RPTOR: variants seen among roughly 807,000 people sequenced by gnomAD.
RPTOR encodes the protein regulatory associated protein of MTOR complex 1, also known as regulatory-associated protein of mTOR.
Under a neutral mutation model 169.9 loss-of-function variants are expected in RPTOR, and 21 were observed. The ratio of observed to expected loss-of-function variants is 0.12; its 90% confidence interval spans 0.09 to 0.18. RPTOR has a LOEUF of 0.18. RPTOR is among the 10% of genes least tolerant of loss of function. RPTOR has a pLI of 1.00. For missense variants in RPTOR, 1,133 were observed against 1,855.9 expected, an observed-to-expected ratio of 0.61 and a Z score of 7.16; for synonymous variants, 732 against 753.2, an observed-to-expected ratio of 0.97 and a Z score of 0.46.
At chr17:80,625,265 A>G (rs1316450752) in intron 1 of RPTOR, among the ~76,000 whole-genome samples, 4 of 152,250 alleles carry the variant, frequency 2.6e-5, no homozygotes, top group African/African-American at 9.6e-5. Context: ...AGCTTTTCTC[A>G]TTAAATGATT....
At chr17:80,658,904 C>T (rs1351592677) in intron 3 of RPTOR, among the ~76,000 whole-genome samples, 1 of 152,196 alleles carries the variant, frequency 6.6e-6, no homozygotes, top group African/African-American at 2.4e-5. Context: ...TTCTTGTACA[C>T]ATCAGCTTTC....
At chr17:80,591,518 A>T (rs1442239426) in intron 1 of RPTOR, among the ~76,000 whole-genome samples, 3 of 151,146 alleles carry the variant, frequency 2.0e-5, no homozygotes, top group African/African-American at 7.3e-5. Context: ...AGCTGGGACT[A>T]CAGGCGCACA....
chr17:80,616,796 T>A (rs1342798438), intron 1 of RPTOR, among the ~76,000 whole-genome samples: 1 of 152,106 alleles, frequency 6.6e-6, no homozygotes, highest in Non-Finnish European at 1.5e-5. Context: ...TTGCTATACT[T>A]ACTTTACGAA....
intron 5 of RPTOR, among the ~76,000 whole-genome samples, chr17:80,742,486 C>T (rs911787466): frequency 1.3e-5 from 2 of 151,978 alleles, no homozygotes; most frequent in Non-Finnish European, 2.9e-5. Context: ...CATGCACATA[C>T]AGACATGTAC....
At position 80,651,789 on chromosome 17, in the gene RPTOR, G is replaced by A. The variant is rs768747845; in HGVS notation, c.348+7979G>A. Among the ~76,000 whole-genome samples, 42 of 152,036 alleles carry A rather than the reference G, an allele frequency of 2.8e-4. No individual in the cohort carries two copies. The highest frequency in any genetic ancestry group is 1.6e-3 in the Admixed American group (24 of 15,270). The stretch of plus-strand genomic sequence containing the variant: ...TCCCAGCACTTTGGGAGGCCGAGGC[G>A]GGTGGATCGTGAGGTCAGGAGATCG... On this transcript the variant is annotated intron_variant, in intron 3 of 33. Coordinates refer to ENST00000306801, the MANE Select transcript of RPTOR (RefSeq NM_020761.3). The surrounding 1 kb of genome is among the most constrained non-coding windows in gnomAD (Gnocchi z 4.1).
At position 80,964,534 on chromosome 17, in the gene RPTOR, C is replaced by T; in HGVS notation, c.*204C>T. On this transcript the variant is annotated 3_prime_UTR_variant, in exon 34 of 34. Transcript: ENST00000306801. The stretch of plus-strand genomic sequence containing the variant: ...TCTGGAATGTCAGGGAAGGGGAGGG[C>T]TCGGGTTGACGGTGGCTTCCCACTG... 3 of 604,304 alleles carry T rather than the reference C, an allele frequency of 5.0e-6. No individual in the cohort carries two copies. Among genetic ancestry groups the T allele is most frequent in the South Asian group, 4.0e-5 (2 of 50,544 alleles). 37.4% of individuals were successfully genotyped at this position (604,304 alleles called of 1,614,324 possible).
chr17:80,846,612 C>T (rs1437477289), intron 11 of RPTOR, 38 bp downstream of exon 11: 2 of 1,584,656 alleles, frequency 1.3e-6, no homozygotes, highest in African/African-American at 1.3e-5. Flanking sequence ...GCCGAGGTTC[C>T]TCAGGAAGGA....
intron 4 of RPTOR, among the ~76,000 whole-genome samples, chr17:80,709,894 G>A (rs749117292): frequency 2.0e-5 from 3 of 151,858 alleles, no homozygotes; most frequent in Non-Finnish European, 4.4e-5. Context: ...AGACAGTAAT[G>A]ATTTTTATGA....
At chr17:80,683,368 T>A (rs1598218163) in intron 3 of RPTOR, among the ~76,000 whole-genome samples, 1 of 152,180 alleles carries the variant, frequency 6.6e-6, no homozygotes, top group African/African-American at 2.4e-5. Flanking sequence ...CTTCCTCAGG[T>A]GCTGTCGGAG....
intron 17 of RPTOR, among the ~76,000 whole-genome samples, chr17:80,885,629 C>G (rs576241354): frequency 6.6e-6 from 1 of 152,190 alleles, no homozygotes; most frequent in Non-Finnish European, 1.5e-5. Flanking sequence ...CTGCAAGCTC[C>G]GCCTCCCGGG....
intron 5 of RPTOR, among the ~76,000 whole-genome samples, chr17:80,743,053 G>A (rs944402634): frequency 3.9e-5 from 6 of 152,156 alleles, no homozygotes; most frequent in East Asian, 1.9e-4. Flanking sequence ...GAGTACACGT[G>A]TCTGGATCCA....
intron 2 of RPTOR, 126 bp from the exon 3 acceptor site, chr17:80,643,602 C>T (rs545246064): frequency 6.1e-5 from 40 of 651,894 alleles, no homozygotes; most frequent in African/African-American, 4.9e-4. Context: ...CAACCTTAGG[C>T]GTTGTGTTAC....
chr17:80,935,655 G>A (rs2068946654), intron 24 of RPTOR, among the ~76,000 whole-genome samples: 2 of 151,966 alleles, frequency 1.3e-5, no homozygotes. Context: ...ACAACCAGTT[G>A]TCAAAAAAAA....
chr17:80,939,039 A>G (rs556474789), intron 24 of RPTOR, among the ~76,000 whole-genome samples: 9 of 152,330 alleles, frequency 5.9e-5, no homozygotes, highest in African/African-American at 1.7e-4. Context: ...GCGACTTTTT[A>G]ATAACTAATG....
chr17:80,690,336 C>T (rs200754235), intron 3 of RPTOR, among the ~76,000 whole-genome samples: 2 of 109,776 alleles, frequency 1.8e-5, no homozygotes, highest in Admixed American at 8.6e-5. Context: ...AACACACACA[C>T]ACACATACAC....
At chr17:80,565,893 G>C (rs2084581417) in intron 1 of RPTOR, among the ~76,000 whole-genome samples, 1 of 152,212 alleles carries the variant, frequency 6.6e-6, no homozygotes, top group South Asian at 2.1e-4. Flanking sequence ...GCTGCATCTA[G>C]CGCTGGGACA....
At chr17:80,617,035 A>T (rs917503892) in intron 1 of RPTOR, among the ~76,000 whole-genome samples, 3 of 152,204 alleles carry the variant, frequency 2.0e-5, no homozygotes, top group Non-Finnish European at 4.4e-5. Flanking sequence ...CATGAAAAAA[A>T]TTTTTGACTA....
intron 1 of RPTOR, among the ~76,000 whole-genome samples, chr17:80,603,143 T>C (rs2065202947): frequency 6.6e-6 from 1 of 152,232 alleles, no homozygotes; most frequent in South Asian, 2.1e-4. Context: ...AAAACATCTT[T>C]ATCAATAAGA....
intron 3 of RPTOR, among the ~76,000 whole-genome samples, chr17:80,665,345 T>C (rs1393744470): frequency 1.5e-3 from 8 of 5,216 alleles, no homozygotes; most frequent in African/African-American, 7.5e-3. Context: ...TTCCTTTCCT[T>C]TCCTTTCCTT....
Sources: allele counts gnomAD v4.1 joint callset (sites outside exome capture counted in the v4.1 genomes callset), GRCh38; gene constraint gnomAD v4.1.1; non-coding constraint Gnocchi (gnomAD v3.1); transcripts MANE v1.5; gene names NCBI Gene and HGNC (gene_info 2026-07-23, HGNC 2026-07-21).